The following ECRG4 variants were observed in gnomAD, a reference collection of about 807,000 sequenced individuals.
ECRG4 encodes the protein augurin.
Under a neutral mutation model 15.8 loss-of-function variants are expected in ECRG4, and 18 were observed. The observed-to-expected ratio is 1.14, with a 90% CI of 0.79 to 1.69. The LOEUF (loss-of-function observed/expected upper bound fraction) is 1.69, where lower values mean the gene tolerates loss of function less well. Among genes scored for constraint, ECRG4 ranks in the 40% most tolerant of loss-of-function variants. The pLI is 0.00. For missense variants in ECRG4, 200 were observed against 190.9 expected, an observed-to-expected ratio of 1.05 and a Z score of -0.28; for synonymous variants, 82 against 73.9, an observed-to-expected ratio of 1.11 and a Z score of -0.56.
Position 106,077,996 on chromosome 2 carries a change from C to T in ECRG4, c.*70C>T, listed in dbSNP as rs1676522919. ...TTCATGTATCTCCTAATGCCTTACA[C>T]TACTTGGTTTCTGATTTGCTCTATT... On this transcript the variant is annotated 3_prime_UTR_variant, in exon 4 of 4. Transcript: ENST00000238044. 7.0e-7 allele frequency: 1 copy of T among 1,426,194 alleles called. No homozygotes were observed. Among genetic ancestry groups the T allele is most frequent in the African/African-American group, 1.4e-5 (1 of 70,050 alleles). 88.3% of individuals were successfully genotyped at this position (1,426,194 alleles called of 1,614,324 possible).
At chr2:106,064,839 G>T (rs1676169242), upstream of ECRG4, among the ~76,000 whole-genome samples, 1 of 152,156 alleles carries the variant, frequency 6.6e-6, no homozygotes, top group Admixed American at 6.5e-5. Flanking sequence ...AGAGTCCGTT[G>T]GGATAAAGTT....
chr2:106,065,909 T>C, intron 1 of ECRG4, 66 bp downstream of exon 1: 1 of 1,371,158 alleles, frequency 7.3e-7, no homozygotes, highest in Admixed American at 3.2e-5. Flanking sequence ...GGCGCTTCCA[T>C]GGTGCCCGGG....
chr2:106,065,645 G>C (rs1009331060), upstream of ECRG4: 8 of 693,348 alleles, frequency 1.2e-5, no homozygotes, highest in African/African-American at 1.3e-4. Context: ...TCCCGCCCCG[G>C]CAGCGACGCA....
chr2:106,071,322 T>TAAAAAAAGAAAAAAAAA (rs1676362679), intron 1 of ECRG4, among the ~76,000 whole-genome samples: 2 of 78,332 alleles, frequency 2.6e-5, no homozygotes, highest in Non-Finnish European at 2.3e-5. Context: ...GGTAAGGCTG[T>TAAAAAAAGAAAAAAAAA]AAAAAAAAAA....
intron 1 of ECRG4, among the ~76,000 whole-genome samples, chr2:106,066,524 C>G (rs1441200592): frequency 6.6e-6 from 1 of 152,210 alleles, no homozygotes; most frequent in Non-Finnish European, 1.5e-5. Flanking sequence ...AATCTGAAGC[C>G]GTGGTTTGTC....
intron 2 of ECRG4, among the ~76,000 whole-genome samples, chr2:106,072,760 C>T (rs2104796208): frequency 6.6e-6 from 1 of 152,312 alleles, no homozygotes; most frequent in South Asian, 2.1e-4. Flanking sequence ...CCTGGCCCAC[C>T]CCCAATCTCT....
Position 106,067,065 on chromosome 2 carries a change from G to GAGC in ECRG4, c.79+1222_79+1223insAGC, listed in dbSNP as rs906094015. On this transcript the variant is annotated intron_variant, in intron 1 of 3. Coordinates refer to ENST00000238044, the MANE Select transcript of ECRG4 (RefSeq NM_032411.3). ...TCCCAGCACTTTGGGAGGCCGGGGG[G>GAGC]GGGGGGGGGGCAGATCACCTGAGGT... 1.1e-4 allele frequency among the ~76,000 whole-genome samples: 10 copies of GAGC among 91,736 alleles called. 1 individual carries two copies. The highest frequency in any genetic ancestry group is 2.6e-4 in the African/African-American group (7 of 27,076). 60.2% of individuals were successfully genotyped at this position (91,736 alleles called of 152,430 possible). A position where few individuals can be genotyped will look rare whatever the true frequency, so the allele number is the denominator to read the frequency against.
At chr2:106,077,735 T>C (rs763765596) in intron 3 of ECRG4, 30 bp from the exon 4 acceptor site, 5 of 1,607,444 alleles carry the variant, frequency 3.1e-6, no homozygotes, top group African/African-American at 2.7e-5. Flanking sequence ...CTTAAATCCA[T>C]TCTCTATCAT....
chr2:106,070,440 G>A (rs1354157316), intron 1 of ECRG4, among the ~76,000 whole-genome samples: 5 of 152,124 alleles, frequency 3.3e-5, no homozygotes, highest in Admixed American at 2.0e-4. Flanking sequence ...GGCTGCTTAC[G>A]GACCATGAGT....
intron 1 of ECRG4, among the ~76,000 whole-genome samples, chr2:106,066,682 C>G (rs1189733050): frequency 6.6e-6 from 1 of 152,132 alleles, no homozygotes; most frequent in Non-Finnish European, 1.5e-5. Context: ...TGCCCAAGAG[C>G]CTGAGACTGG....
chr2:106,065,848 G>A lies in ECRG4; in HGVS notation c.79+5G>A. 1 of 1,478,044 alleles carries A rather than the reference G, an allele frequency of 6.8e-7. No homozygotes were observed. The highest frequency in any genetic ancestry group is 8.9e-7 in the Non-Finnish European group (1 of 1,121,666). 91.6% of individuals were successfully genotyped at this position (1,478,044 alleles called of 1,614,324 possible). On this transcript the variant is annotated splice_donor_5th_base_variant and intron_variant, in intron 1 of 3. Transcript: ENST00000238044. ...TGCTCCTGTGCTGGGGCCCAGGTGA[G>A]CGGGGCGATGCCAGGCTGATTGATA...
At position 106,077,990 on chromosome 2, in the gene ECRG4, C is replaced by CCTG; in HGVS notation, c.*64_*65insCTG. ...ATTCTCTTCATGTATCTCCTAATGC[C>CCTG]TTACACTACTTGGTTTCTGATTTGC... On this transcript the variant is annotated 3_prime_UTR_variant, in exon 4 of 4. Transcript: ENST00000238044. 1 of 1,458,698 alleles carries CCTG rather than the reference C, an allele frequency of 6.9e-7. No individual in the cohort carries two copies. Among genetic ancestry groups the CCTG allele is most frequent in the South Asian group, 1.3e-5 (1 of 74,258 alleles). 90.4% of individuals were successfully genotyped at this position (1,458,698 alleles called of 1,614,324 possible). A position where few individuals can be genotyped will look rare whatever the true frequency, so the allele number is the denominator to read the frequency against.
chr2:106,069,610 C>T (rs1472848496), intron 1 of ECRG4, among the ~76,000 whole-genome samples: 4 of 152,172 alleles, frequency 2.6e-5, no homozygotes, highest in Non-Finnish European at 5.9e-5. Context: ...GCTGGGGTTA[C>T]AGGTGTGAGC....
At position 106,065,783 on chromosome 2, in the gene ECRG4, C is replaced by G; in HGVS notation, c.19C>G (p.Arg7Gly). 1 of 1,483,354 alleles carries G rather than the reference C, an allele frequency of 6.7e-7. No individual in the cohort carries two copies. 91.9% of individuals were successfully genotyped at this position (1,483,354 alleles called of 1,614,324 possible). A position where few individuals can be genotyped will look rare whatever the true frequency, so the allele number is the denominator to read the frequency against. Residue 7 changes from arginine to glycine, a missense_variant, in exon 1 of 4, where the codon CGG (arginine) becomes GGG (glycine). Coordinates refer to ENST00000238044, the MANE Select transcript of ECRG4 (RefSeq NM_032411.3). MAASPARPAVLALTGLA... is the reference protein window; with the variant it reads MAASPAGPAVLALTGLA... ...CGCCGCCATGGCTGCCTCCCCCGCG[C>G]GGCCTGCTGTCCTGGCCCTGACCGG... is the stretch of plus-strand genomic sequence containing the variant.
intron 3 of ECRG4, among the ~76,000 whole-genome samples, chr2:106,075,452 T>G (rs984583869): frequency 2.7e-4 from 41 of 152,248 alleles, no homozygotes; most frequent in African/African-American, 9.9e-4. Context: ...ACGGGCATGG[T>G]GGCTCATGCC....
intron 1 of ECRG4, among the ~76,000 whole-genome samples, chr2:106,067,316 A>T (rs1676248365): frequency 7.0e-6 from 1 of 142,152 alleles, no homozygotes; most frequent in Non-Finnish European, 1.5e-5. Context: ...AAATAAATAA[A>T]AGAAGAAGAA....
chr2:106,069,865 C>G (rs1356441776), intron 1 of ECRG4, among the ~76,000 whole-genome samples: 1 of 152,084 alleles, frequency 6.6e-6, no homozygotes, highest in Non-Finnish European at 1.5e-5. Context: ...TTTTAAGTAT[C>G]CTTTATTAAA....
intron 1 of ECRG4, among the ~76,000 whole-genome samples, chr2:106,069,108 C>CTT (rs1204235745): frequency 1.7e-5 from 2 of 115,918 alleles, no homozygotes; most frequent in Admixed American, 9.0e-5. Flanking sequence ...TCCTTCCTTC[C>CTT]TTCTTTTTCT....
intron 1 of ECRG4, among the ~76,000 whole-genome samples, chr2:106,070,066 C>T (rs1265897066): frequency 6.6e-6 from 1 of 152,164 alleles, no homozygotes; most frequent in East Asian, 1.9e-4. Flanking sequence ...CTCCCTGGCC[C>T]TTCAGTGTGG....
Sources: gnomAD v4.1 joint callset for allele counts (sites outside exome capture counted in the v4.1 genomes callset) on GRCh38, gnomAD v4.1.1 for gene constraint, MANE v1.5 for transcripts, NCBI Gene and HGNC (gene_info 2026-07-23, HGNC 2026-07-21) for gene names.